Variants in GTF2E2 observed in about 807,000 individuals in gnomAD.
GTF2E2 encodes the protein transcription initiation factor IIE subunit beta.
A neutral mutation model predicts 40.5 loss-of-function variants in GTF2E2; 21 were observed. That is an observed-to-expected ratio of 0.52 (90% CI 0.37 to 0.75). The LOEUF is 0.75. Among genes scored for constraint, GTF2E2 ranks in the 30% least tolerant of loss-of-function variants. The pLI is 0.00. For synonymous variants in GTF2E2, 117 were observed against 121.6 expected (o/e 0.96, Z 0.25); for missense variants, 298 against 338.4 (o/e 0.88, Z 0.94).
intron 2 of GTF2E2, among the ~76,000 whole-genome samples, chr8:30,636,707 A>T (rs527560741): frequency 7.2e-5 from 11 of 152,296 alleles, no homozygotes; most frequent in African/African-American, 2.4e-4. Flanking sequence ...CTCTACCAAA[A>T]ATACAAAAAT....
At chr8:30,591,456 C>T (rs1455404399) in intron 6 of GTF2E2, among the ~76,000 whole-genome samples, 2 of 151,568 alleles carry the variant, frequency 1.3e-5, no homozygotes, top group Non-Finnish European at 2.9e-5. Context: ...TGCACTCAAG[C>T]CCAGGAAACA....
At chr8:30,636,833 C>G in intron 2 of GTF2E2, 1 of 307,994 alleles carries the variant, frequency 3.2e-6, no homozygotes, top group Non-Finnish European at 6.1e-6. Context: ...AGCCTGGCAA[C>G]AGAGTGAGAC....
intron 2 of GTF2E2, among the ~76,000 whole-genome samples, chr8:30,646,542 C>T (rs927039916): frequency 1.3e-5 from 2 of 152,150 alleles, no homozygotes; most frequent in African/African-American, 4.8e-5. Flanking sequence ...AAATGCCACT[C>T]CTGGAAATGT....
In GTF2E2 at chr8:30,645,808, T is replaced by C. The variant is rs1370672687; in HGVS notation, c.166+7625A>G. ...CAGTAAAACTTCATGAATGTGAATT[T>C]ACTAATCTGTTTAATACTGACACTT... On this transcript the variant is annotated intron_variant, in intron 2 of 7. Transcript: ENST00000355904. The C allele has an allele frequency of 7.5e-6, 4 of 534,484 alleles. No individual in the cohort carries two copies. The African/African-American group carries it at 7.6e-5, about 10-fold the overall frequency. 33.1% of individuals were successfully genotyped at this position (534,484 alleles called of 1,614,324 possible).
At chr8:30,636,190 AG>A (rs34987730) in intron 2 of GTF2E2, among the ~76,000 whole-genome samples, 6,393 of 152,320 alleles carry the variant, frequency 0.042, 204 homozygotes, top group African/African-American at 0.086. Context: ...AGTCATAACC[AG>A]GAACAGTAAA....
chr8:30,655,675 T>G (rs180788696), intron 1 of GTF2E2, among the ~76,000 whole-genome samples: 1 of 152,220 alleles, frequency 6.6e-6, no homozygotes, highest in African/African-American at 2.4e-5. Context: ...CTGCTTAGAT[T>G]TGAGAAAATG....
At chr8:30,616,484 G>A (rs1487044152) in intron 3 of GTF2E2, among the ~76,000 whole-genome samples, 1 of 78,952 alleles carries the variant, frequency 1.3e-5, no homozygotes, top group Non-Finnish European at 2.4e-5. Flanking sequence ...AAGTTTAGTG[G>A]CTGCCAAGGG....
intron 6 of GTF2E2, among the ~76,000 whole-genome samples, chr8:30,586,502 A>T (rs1161256691): frequency 6.6e-6 from 1 of 152,184 alleles, no homozygotes; most frequent in Non-Finnish European, 1.5e-5. Context: ...TCCCTATAAA[A>T]ATTCCAATGT....
chr8:30,597,326 G>T (rs1585946473), intron 6 of GTF2E2: 1 of 152,160 alleles, frequency 6.6e-6, no homozygotes, highest in South Asian at 2.1e-4. Flanking sequence ...CTTTCCAAAA[G>T]GATCTACTGT....
chr8:30,605,293 C>T (rs1181778212), intron 6 of GTF2E2, among the ~76,000 whole-genome samples: 1 of 151,632 alleles, frequency 6.6e-6, no homozygotes, highest in East Asian at 1.9e-4. Flanking sequence ...AGAGATACAA[C>T]TATATTGGGA....
At chr8:30,624,616 T>G (rs1801213137) in intron 3 of GTF2E2, among the ~76,000 whole-genome samples, 1 of 152,128 alleles carries the variant, frequency 6.6e-6, no homozygotes. Context: ...ATGGCCATTT[T>G]CATGATATTG....
intron 2 of GTF2E2, among the ~76,000 whole-genome samples, chr8:30,639,872 G>C (rs1229970700): frequency 6.6e-6 from 1 of 151,322 alleles, no homozygotes; most frequent in Non-Finnish European, 1.5e-5. Flanking sequence ...TAAGATACTA[G>C]ATCTGTCCAG....
intron 6 of GTF2E2, among the ~76,000 whole-genome samples, chr8:30,589,239 A>G (rs962896465): frequency 6.6e-6 from 1 of 152,154 alleles, no homozygotes; most frequent in African/African-American, 2.4e-5. Flanking sequence ...CTGCTGACAA[A>G]GCGAGACTCC....
Position 30,628,601 on chromosome 8 carries a change from C to T in GTF2E2, c.258+6431G>A, listed in dbSNP as rs117186485. 7.7e-3 allele frequency among the ~76,000 whole-genome samples: 1,178 copies of T among 152,288 alleles called. 11 individuals carry two copies. Among genetic ancestry groups the T allele is most frequent in the Non-Finnish European group, 0.011 (747 of 68,024 alleles). The stretch of plus-strand genomic sequence containing the variant: ...ATTGCATTGAGGAACTTTGCCTCTA[C>T]TAATTTGCTGCAAGTTTTTATAATA... On this transcript the variant is annotated intron_variant, in intron 3 of 7. Transcript: ENST00000355904.
intron 6 of GTF2E2, among the ~76,000 whole-genome samples, chr8:30,595,985 C>A (rs549133060): frequency 9.8e-5 from 15 of 152,330 alleles, no homozygotes; most frequent in Non-Finnish European, 1.5e-4. Context: ...CATTATCTTT[C>A]GGTCTGCATG....
rs1237669149 is a variant in GTF2E2, at chr8:30,630,403, T to C, written c.258+4629A>G. On this transcript the variant is annotated intron_variant, in intron 3 of 7. Coordinates refer to ENST00000355904, the MANE Select transcript of GTF2E2 (RefSeq NM_002095.6). ...CTATCTAATGCCTCCCCTGGAACTT[T>C]TTCCACAGTTTCTAAATCATTCTTA... Among the ~76,000 whole-genome samples, 5 of 152,232 alleles carry C rather than the reference T, an allele frequency of 3.3e-5. No individual in the cohort carries two copies. The East Asian group carries it at 5.8e-4, about 18-fold the overall frequency.
chr8:30,607,168 T>C lies in GTF2E2; in HGVS notation c.550-18A>G. Reference sequence around the variant, plus strand: ...CCCAAAGCCTTAAAGATAGATAAAATAAAGATTTTTCAGTTAACTCCAAAT... The same window carrying C: ...CCCAAAGCCTTAAAGATAGATAAAACAAAGATTTTTCAGTTAACTCCAAAT... On this transcript the variant is annotated intron_variant, in intron 5 of 7. Transcript: ENST00000355904. The C allele has an allele frequency of 1.0e-6, 1 of 996,936 alleles. No individual in the cohort carries two copies. The allele number at this position is 996,936 out of a possible 1,614,324, so 61.8% of individuals were successfully genotyped here.
At chr8:30,624,194 T>C (rs1256786700) in intron 3 of GTF2E2, among the ~76,000 whole-genome samples, 2 of 152,142 alleles carry the variant, frequency 1.3e-5, no homozygotes, top group African/African-American at 4.8e-5. Context: ...TTGTATACGG[T>C]GTAAGGAAGG....
intron 2 of GTF2E2, among the ~76,000 whole-genome samples, chr8:30,636,676 G>A (rs1801610490): frequency 1.3e-5 from 2 of 152,094 alleles, no homozygotes; most frequent in Admixed American, 1.3e-4. Flanking sequence ...GACCATCCTG[G>A]CCAACATGGT....
Sources: gnomAD v4.1 joint callset for allele counts (sites outside exome capture counted in the v4.1 genomes callset) on GRCh38, gnomAD v4.1.1 for gene constraint, MANE v1.5 for transcripts, NCBI Gene and HGNC (gene_info 2026-07-23, HGNC 2026-07-21) for gene names.